The following OPHN1 variants were observed in gnomAD, a reference collection of about 807,000 sequenced individuals.
OPHN1 encodes oligophrenin-1.
OPHN1 carries 11 observed loss-of-function variants against 60.7 expected under a neutral mutation model. The observed-to-expected ratio is 0.18, with a 90% confidence interval of 0.11 to 0.30. OPHN1 has a LOEUF of 0.30. Among genes scored for constraint, OPHN1 ranks in the 10% least tolerant of loss-of-function variants. The pLI is 1.00. For missense variants in OPHN1, 449 were observed against 611.0 expected (o/e 0.73, Z 2.80); for synonymous variants, 226 against 222.6 (o/e 1.02, Z -0.14).
At chrX:68,093,080 T>C (rs1882700715) in intron 19 of OPHN1, among the ~76,000 whole-genome samples, 1 of 111,255 alleles carries the variant, frequency 9.0e-6, no homozygotes. Flanking sequence ...CAAAAATCTT[T>C]ACTATGTGGA....
chrX:68,068,788 A>C (rs1411591424), intron 20 of OPHN1, among the ~76,000 whole-genome samples: 1 of 112,261 alleles, frequency 8.9e-6, no homozygotes, highest in Non-Finnish European at 1.9e-5. Context: ...TACAATGTGG[A>C]TGAACCTTGA....
intron 6 of OPHN1, among the ~76,000 whole-genome samples, chrX:68,227,211 C>A (rs1310848066): frequency 8.9e-6 from 1 of 111,800 alleles, no homozygotes; most frequent in East Asian, 2.8e-4. Flanking sequence ...AGCTAACTAT[C>A]CTAAATATAT....
At chrX:68,081,376 C>T (rs1328603367) in intron 19 of OPHN1, among the ~76,000 whole-genome samples, 2 of 111,111 alleles carry the variant, frequency 1.8e-5, no homozygotes, top group Admixed American at 9.6e-5. Context: ...AAACTTGAAG[C>T]TCAGTTTGCA....
intron 2 of OPHN1, among the ~76,000 whole-genome samples, chrX:68,382,382 C>A (rs2147744476): frequency 9.0e-6 from 1 of 110,959 alleles, no homozygotes; most frequent in Non-Finnish European, 1.9e-5. Context: ...AAATAAAATG[C>A]TATGGCACCA....
chrX:68,204,424 G>A (rs1569242200), intron 10 of OPHN1, among the ~76,000 whole-genome samples: 1 of 111,961 alleles, frequency 8.9e-6, no homozygotes, highest in Admixed American at 9.5e-5. Context: ...GCTGCTAGGA[G>A]GGTAAATGAG....
chrX:68,281,985 C>T (rs556663981), intron 4 of OPHN1, among the ~76,000 whole-genome samples: 13 of 112,084 alleles, frequency 1.2e-4, no homozygotes, highest in African/African-American at 1.6e-4. Context: ...GCTGGTTATG[C>T]GAAATGGCAC....
intron 6 of OPHN1, among the ~76,000 whole-genome samples, chrX:68,222,225 T>C (rs2077663658): frequency 1.8e-5 from 2 of 108,381 alleles, no homozygotes; most frequent in South Asian, 8.2e-4. Flanking sequence ...AAAACCACAA[T>C]GAGATACCAT....
chrX:68,332,244 T>C (rs979814521), intron 2 of OPHN1, among the ~76,000 whole-genome samples: 4 of 111,430 alleles, frequency 3.6e-5, no homozygotes, highest in Non-Finnish European at 7.5e-5. Context: ...ACTTTTTTTT[T>C]CATTTCCAAC....
rs141404789 is a variant in OPHN1, at chrX:68,293,139, T to A, written c.250+5862A>T. Among the ~76,000 whole-genome samples, 919 of 111,979 alleles carry A rather than the reference T, an allele frequency of 8.2e-3. 3 individuals carry two copies. Among genetic ancestry groups the A allele is most frequent in the Non-Finnish European group, 0.014 (737 of 53,239 alleles). On this transcript the variant is annotated intron_variant, in intron 3 of 24. Coordinates refer to ENST00000355520, the MANE Select transcript of OPHN1 (RefSeq NM_002547.3). ...TTACATTAGTGCTTCTTTTTTCATTTTAGCCATTCCTCTTTTAAGATGCCT... is the reference window on the plus strand; with the variant it reads ...TTACATTAGTGCTTCTTTTTTCATTATAGCCATTCCTCTTTTAAGATGCCT...
At position 68,276,628 on chromosome X, in the gene OPHN1, C is replaced by T. The variant is rs116179690; in HGVS notation, c.313-1819G>A. Among the ~76,000 whole-genome samples, 459 of 111,619 alleles carry T rather than the reference C, an allele frequency of 4.1e-3. 1 individual carries two copies. The highest frequency in any genetic ancestry group is 0.014 in the African/African-American group (436 of 30,750). ...CTATTGTGGAAGCTTTAAAACATGGCCACAAACTCTGACATACCTTCCATT... is the reference window on the plus strand; with the variant it reads ...CTATTGTGGAAGCTTTAAAACATGGTCACAAACTCTGACATACCTTCCATT... On this transcript the variant is annotated intron_variant, in intron 4 of 24. Transcript: ENST00000355520.
intron 15 of OPHN1, among the ~76,000 whole-genome samples, chrX:68,165,937 A>G (rs1490566304): frequency 8.9e-6 from 1 of 112,167 alleles, no homozygotes; most frequent in Non-Finnish European, 1.9e-5. Context: ...AAGGTGCCAA[A>G]GCAATTCACT....
chrX:68,236,690 T>A (rs1397102530), intron 5 of OPHN1, among the ~76,000 whole-genome samples: 1 of 112,090 alleles, frequency 8.9e-6, no homozygotes, highest in Non-Finnish European at 1.9e-5. Context: ...ACATAATGTT[T>A]CCAAGGGTCA....
chrX:68,234,375 C>T (rs961008626), intron 6 of OPHN1, 112 bp downstream of exon 6: 1 of 608,322 alleles, frequency 1.6e-6, no homozygotes, highest in East Asian at 3.5e-5. Flanking sequence ...GCTACTATCA[C>T]ATGAGGTTCC....
intron 15 of OPHN1, among the ~76,000 whole-genome samples, chrX:68,137,474 A>C (rs1421637399): frequency 8.9e-6 from 1 of 112,139 alleles, no homozygotes; most frequent in Non-Finnish European, 1.9e-5. Flanking sequence ...GAAAAATGAA[A>C]TCATCAGAGA....
intron 2 of OPHN1, among the ~76,000 whole-genome samples, chrX:68,353,228 C>T (rs1159104174): frequency 1.8e-5 from 2 of 108,720 alleles, no homozygotes; most frequent in African/African-American, 6.7e-5. Context: ...CTTATAAATA[C>T]TTTTATTGAG....
chrX:68,051,419 A>G (rs183322605), intron 23 of OPHN1, among the ~76,000 whole-genome samples: 1 of 111,842 alleles, frequency 8.9e-6, no homozygotes, highest in Admixed American at 9.5e-5. Flanking sequence ...AAAAAACAAA[A>G]TAAAACAAAA....
intron 2 of OPHN1, among the ~76,000 whole-genome samples, chrX:68,310,516 A>G (rs2078167913): frequency 9.0e-6 from 1 of 111,066 alleles, no homozygotes; most frequent in African/African-American, 3.3e-5. Context: ...GCCACCCAGA[A>G]CTTCACAGTT....
At chrX:68,147,076 G>T (rs1372092862) in intron 15 of OPHN1, among the ~76,000 whole-genome samples, 2 of 111,830 alleles carry the variant, frequency 1.8e-5, no homozygotes, top group Admixed American at 1.9e-4. Flanking sequence ...TGTTAGAACT[G>T]CAAGACCCCT....
chrX:68,232,750 T>A (rs2077734174), intron 6 of OPHN1, among the ~76,000 whole-genome samples: 1 of 110,838 alleles, frequency 9.0e-6, no homozygotes, highest in African/African-American at 3.3e-5. Flanking sequence ...TTTCTAAGCA[T>A]AGCAGTCTCA....
Sources: allele counts gnomAD v4.1 joint callset (sites outside exome capture counted in the v4.1 genomes callset), GRCh38; gene constraint gnomAD v4.1.1; transcripts MANE v1.5; gene names NCBI Gene and HGNC (gene_info 2026-07-23, HGNC 2026-07-21).